Variants in AMBRA1 observed in about 807,000 individuals in gnomAD.
The protein encoded by AMBRA1 is activating molecule in BECN1-regulated autophagy protein 1.
In AMBRA1, 47 loss-of-function variants were observed where a neutral mutation model predicts 125.4. That is an observed-to-expected ratio of 0.37 (90% CI 0.30 to 0.48). The LOEUF (loss-of-function observed/expected upper bound fraction) is 0.48. Ranked by LOEUF, AMBRA1 falls within the 20% of genes least tolerant of loss-of-function variation. AMBRA1 has a pLI of 0.99. For synonymous variants in AMBRA1, 626 were observed against 655.5 expected (o/e 0.95, Z 0.69); for missense variants, 1,331 against 1,693.4 (o/e 0.79, Z 3.76).
chr11:46,506,582 G>A (rs1050375059), intron 9 of AMBRA1, among the ~76,000 whole-genome samples: 1 of 152,160 alleles, frequency 6.6e-6, no homozygotes, highest in Admixed American at 6.6e-5. Flanking sequence ...AACTCTTAAG[G>A]CCCCAGACCT....
chr11:46,587,562 C>T (rs968365880), intron 1 of AMBRA1, among the ~76,000 whole-genome samples: 9 of 152,062 alleles, frequency 5.9e-5, no homozygotes, highest in South Asian at 4.1e-4. Context: ...CTTAAATTTA[C>T]GCAATTATGA....
intron 13 of AMBRA1, 135 bp from the exon 14 acceptor site, chr11:46,433,763 T>C (rs1191470429): frequency 3.2e-5 from 28 of 887,774 alleles, no homozygotes; most frequent in Non-Finnish European, 4.8e-5. Flanking sequence ...CATAGGACTG[T>C]AGTGAGGAGT....
chr11:46,412,896 T>C (rs1295801120), intron 15 of AMBRA1, among the ~76,000 whole-genome samples: 4 of 152,236 alleles, frequency 2.6e-5, no homozygotes, highest in South Asian at 2.1e-4. Context: ...AGATACTATG[T>C]GAAGCTGGCT....
At chr11:46,520,420 A>G (rs1951705214) in intron 7 of AMBRA1, among the ~76,000 whole-genome samples, 2 of 152,094 alleles carry the variant, frequency 1.3e-5, no homozygotes, top group South Asian at 4.1e-4. Flanking sequence ...TTCTAGCTAA[A>G]CTAAACACAC....
In AMBRA1 at chr11:46,542,632, A is replaced by G; in HGVS notation, c.1385T>C (p.Val462Ala). ...RQQEGGSQAS[V>A]YTSATEGRGF... The stretch of plus-strand genomic sequence containing the variant: ...CCTCCCTTCTGTGGCTGAAGTGTAC[A>G]CAGATGCCTGAGAGCCACCTTCCTG... Residue 462 changes from valine to alanine, a missense_variant, in exon 7 of 18, where the codon GTG becomes GCG. Physicochemically the swap from Val to Ala is moderately conservative, Grantham distance 64. Coordinates refer to ENST00000683756, the MANE Select transcript of AMBRA1 (RefSeq NM_001387011.1). The surrounding 1 kb of genome is among the most constrained non-coding windows in gnomAD (Gnocchi z 5.9). The G allele has an allele frequency of 6.2e-7, 1 of 1,614,104 alleles. No homozygotes were observed. The highest frequency in any genetic ancestry group is 8.5e-7 in the Non-Finnish European group (1 of 1,180,026).
chr11:46,413,235 A>G (rs534186134), intron 15 of AMBRA1, among the ~76,000 whole-genome samples: 2 of 152,308 alleles, frequency 1.3e-5, no homozygotes, highest in African/African-American at 4.8e-5. Flanking sequence ...CTACTGACTG[A>G]AGAGGTCCAC....
intron 11 of AMBRA1, among the ~76,000 whole-genome samples, chr11:46,479,798 G>A (rs1223802161): frequency 1.8e-4 from 27 of 152,114 alleles, no homozygotes; most frequent in Non-Finnish European, 1.3e-4. Flanking sequence ...CCTGCCAAAT[G>A]CCAGATACAT....
At chr11:46,593,195 G>A (rs1055924819) in intron 1 of AMBRA1, among the ~76,000 whole-genome samples, 5 of 152,106 alleles carry the variant, frequency 3.3e-5, no homozygotes, top group African/African-American at 7.2e-5. Flanking sequence ...GATCACAGAC[G>A]ATCAAACAAT....
At chr11:46,549,098 A>C (rs972534566) in intron 1 of AMBRA1, 1 of 152,250 alleles carries the variant, frequency 6.6e-6, no homozygotes, top group Non-Finnish European at 1.5e-5. Context: ...AAGGAAAAAA[A>C]AAAATCAGGC....
intron 1 of AMBRA1, among the ~76,000 whole-genome samples, chr11:46,592,800 T>C (rs1011859701): frequency 4.1e-4 from 62 of 151,838 alleles, no homozygotes; most frequent in Admixed American, 3.7e-3. Flanking sequence ...TGGGTTTCCA[T>C]TGGATACTCC....
At chr11:46,569,240 CAAAAA>C (rs1207336499) in intron 1 of AMBRA1, among the ~76,000 whole-genome samples, 1 of 68,682 alleles carries the variant, frequency 1.5e-5, no homozygotes, top group Non-Finnish European at 2.8e-5. Context: ...GAGGGAATCT[CAAAAA>C]AAAAAAAAAA....
intron 11 of AMBRA1, among the ~76,000 whole-genome samples, chr11:46,477,321 CTTTT>C (rs1007078980): frequency 7.0e-6 from 1 of 142,380 alleles, no homozygotes; most frequent in Non-Finnish European, 1.5e-5. Context: ...AAAGATACTT[CTTTT>C]TTTTTTTTTT....
At chr11:46,454,873 C>CTT (rs1008795533) in intron 11 of AMBRA1, among the ~76,000 whole-genome samples, 2,641 of 134,414 alleles carry the variant, frequency 0.02, 112 homozygotes, top group African/African-American at 0.068. Context: ...CTGGTATTAG[C>CTT]TTTTTTTTTT....
intron 7 of AMBRA1, among the ~76,000 whole-genome samples, chr11:46,527,355 C>T (rs1027424768): frequency 1.3e-5 from 2 of 151,574 alleles, no homozygotes; most frequent in African/African-American, 4.9e-5. Context: ...TGGCATGCAC[C>T]TGTAATCCCA....
intron 11 of AMBRA1, among the ~76,000 whole-genome samples, chr11:46,477,216 G>A (rs1430302707): frequency 6.6e-6 from 1 of 151,920 alleles, no homozygotes; most frequent in East Asian, 1.9e-4. Context: ...CAGAATAGAA[G>A]GACACTAGCT....
rs865989092 is a variant in AMBRA1 at position 46,401,089 on chromosome 11, G to A, written c.3404-3146C>T. 3.3e-5 allele frequency among the ~76,000 whole-genome samples: 5 copies of A among 152,270 alleles called. No individual in the cohort carries two copies. The South Asian group carries it at 1.0e-3, about 32-fold the overall frequency. On this transcript the variant is annotated intron_variant, in intron 17 of 17. Transcript: ENST00000683756. ...CTGGGAGCCAAGGGCTGCCTGGGGA[G>A]GTCCCCTGGGGCCCTCCCTGTGCTC...
intron 9 of AMBRA1, among the ~76,000 whole-genome samples, chr11:46,503,633 A>G (rs1950924980): frequency 6.6e-6 from 1 of 152,246 alleles, no homozygotes; most frequent in Non-Finnish European, 1.5e-5. Context: ...GCCAAGCACA[A>G]TAAAACAAAG....
intron 11 of AMBRA1, among the ~76,000 whole-genome samples, chr11:46,469,017 C>A (rs1949457586): frequency 6.6e-6 from 1 of 151,584 alleles, no homozygotes; most frequent in African/African-American, 2.4e-5. Flanking sequence ...GTGGTCTATG[C>A]CTGTAATCCC....
chr11:46,447,015 G>A (rs973826486), intron 11 of AMBRA1, among the ~76,000 whole-genome samples: 1 of 152,196 alleles, frequency 6.6e-6, no homozygotes, highest in Non-Finnish European at 1.5e-5. Context: ...GTGTGACTTT[G>A]TATAAATTAA....
Sources: allele counts gnomAD v4.1 joint callset (sites outside exome capture counted in the v4.1 genomes callset), GRCh38; gene constraint gnomAD v4.1.1; non-coding constraint Gnocchi (gnomAD v3.1); transcripts MANE v1.5; gene names NCBI Gene and HGNC (gene_info 2026-07-23, HGNC 2026-07-21).